The following NRXN3 variants were observed in gnomAD, a reference collection of about 807,000 sequenced individuals.
The protein encoded by NRXN3 is neurexin 3.
In NRXN3, 32 loss-of-function variants were observed where a neutral mutation model predicts 137.6. The observed-to-expected ratio is 0.23, with a 90% CI of 0.18 to 0.31. The LOEUF (loss-of-function observed/expected upper bound fraction) is 0.31, where lower values mean the gene tolerates loss of function less well. Ranked by LOEUF, NRXN3 falls within the 10% of genes least tolerant of loss-of-function variation. The pLI is 1.00. For synonymous variants in NRXN3, 798 were observed against 784.5 expected, an observed-to-expected ratio of 1.02 and a Z score of -0.29; for missense variants, 1,574 against 2,062.5, an observed-to-expected ratio of 0.76 and a Z score of 4.59.
At chr14:78,442,269 C>T (rs1202759232) in intron 4 of NRXN3, among the ~76,000 whole-genome samples, 1 of 110,706 alleles carries the variant, frequency 9.0e-6, no homozygotes, top group Non-Finnish European at 1.8e-5. Flanking sequence ...CCTGTCACCC[C>T]CCAGAAAAAA....
At chr14:78,519,719 GAGA>G (rs1027498372) in intron 4 of NRXN3, among the ~76,000 whole-genome samples, 4 of 142,250 alleles carry the variant, frequency 2.8e-5, no homozygotes, top group Admixed American at 7.1e-5. Context: ...AGCATTCACA[GAGA>G]AGGTTATATT....
At chr14:79,672,108 G>A (rs1051369311) in intron 17 of NRXN3, among the ~76,000 whole-genome samples, 2 of 151,974 alleles carry the variant, frequency 1.3e-5, no homozygotes, top group South Asian at 4.2e-4. Context: ...CATGCTTTTG[G>A]TCTACAGGGC....
chr14:78,765,597 C>A (rs1438538233), intron 8 of NRXN3, among the ~76,000 whole-genome samples: 1 of 152,160 alleles, frequency 6.6e-6, no homozygotes, highest in Non-Finnish European at 1.5e-5. Context: ...GTCTGTTTCT[C>A]CTGCTAGAGT....
chr14:78,572,691 C>G (rs995784038), intron 4 of NRXN3, among the ~76,000 whole-genome samples: 2 of 152,192 alleles, frequency 1.3e-5, no homozygotes, highest in African/African-American at 4.8e-5. Flanking sequence ...TACAGCAGAA[C>G]TTCCAGAAAA....
intron 15 of NRXN3, among the ~76,000 whole-genome samples, chr14:79,168,097 G>A (rs981513467): frequency 6.6e-6 from 1 of 151,968 alleles, no homozygotes; most frequent in African/African-American, 2.4e-5. Flanking sequence ...CTGACTGTAA[G>A]GTCACCCTCC....
intron 16 of NRXN3, among the ~76,000 whole-genome samples, chr14:79,527,012 C>A (rs2097126460): frequency 6.6e-6 from 1 of 152,112 alleles, no homozygotes; most frequent in Non-Finnish European, 1.5e-5. Context: ...GCTGGCCAGG[C>A]ACAGTGGCTC....
intron 16 of NRXN3, among the ~76,000 whole-genome samples, chr14:79,561,910 A>G (rs1031019527): frequency 6.6e-6 from 1 of 152,122 alleles, no homozygotes; most frequent in Non-Finnish European, 1.5e-5. Context: ...TCGTTTAATG[A>G]TTTTATCCCA....
intron 4 of NRXN3, among the ~76,000 whole-genome samples, chr14:78,351,958 G>C (rs1436301544): frequency 1.3e-5 from 2 of 151,702 alleles, no homozygotes; most frequent in Non-Finnish European, 2.9e-5. Flanking sequence ...GTGTTGGCGA[G>C]CACCTGTAGT....
At chr14:79,542,171 C>T (rs1389687249) in intron 16 of NRXN3, among the ~76,000 whole-genome samples, 1 of 152,154 alleles carries the variant, frequency 6.6e-6, no homozygotes, top group Non-Finnish European at 1.5e-5. Flanking sequence ...GTGACTTCTT[C>T]TGAGATTGGT....
intron 19 of NRXN3, among the ~76,000 whole-genome samples, chr14:79,757,252 T>C (rs918885475): frequency 6.6e-6 from 1 of 151,340 alleles, no homozygotes; most frequent in African/African-American, 2.4e-5. Flanking sequence ...CAAATAAAGA[T>C]AGTTGTAAAA....
rs67568638 is a variant in NRXN3, at chr14:78,309,292, GT to G, written c.757+11443del. Among the ~76,000 whole-genome samples the G allele has an allele frequency of 4.3e-3, 632 of 147,868 alleles. 5 individuals carry two copies. The highest frequency in any genetic ancestry group is 0.026 in the East Asian group (129 of 5,050). Reference sequence around the variant, plus strand: ...AAAAATTTTGAGAAACGCTAATAATGTTTTTTTTTTTAACTTTTTCTTTAGG... The same window carrying G: ...AAAAATTTTGAGAAACGCTAATAATGTTTTTTTTTTAACTTTTTCTTTAGG... On this transcript the variant is annotated intron_variant, in intron 4 of 20. Coordinates refer to ENST00000335750, the MANE Select transcript of NRXN3 (RefSeq NM_001330195.2).
At chr14:78,609,810 C>T (rs534130529) in intron 4 of NRXN3, among the ~76,000 whole-genome samples, 6 of 152,238 alleles carry the variant, frequency 3.9e-5, no homozygotes, top group Non-Finnish European at 7.4e-5. Context: ...GCACTACAGG[C>T]ACAAGTACTA....
chr14:78,358,920 T>C (rs2084717303), intron 4 of NRXN3, among the ~76,000 whole-genome samples: 1 of 152,218 alleles, frequency 6.6e-6, no homozygotes. Flanking sequence ...CGCAGGAATT[T>C]AGCATGGTCT....
intron 4 of NRXN3, among the ~76,000 whole-genome samples, chr14:78,393,684 AATCTGTAT>A (rs1404130722): frequency 3.3e-5 from 5 of 152,014 alleles, no homozygotes; most frequent in Non-Finnish European, 7.4e-5. Context: ...AATTGTGTTA[AATCTGTAT>A]ATCAATTTGA....
chr14:78,611,069 A>G (rs565374205), intron 4 of NRXN3, among the ~76,000 whole-genome samples: 5 of 151,246 alleles, frequency 3.3e-5, no homozygotes, highest in African/African-American at 9.7e-5. Flanking sequence ...CCTCCACCCA[A>G]CTCCTCCTTG....
chr14:79,512,176 G>A (rs956903615), intron 16 of NRXN3, among the ~76,000 whole-genome samples: 2 of 152,222 alleles, frequency 1.3e-5, no homozygotes, highest in Non-Finnish European at 2.9e-5. Flanking sequence ...TGAAATTACA[G>A]GCGAGAGCCA....
chr14:78,542,896 C>CT (rs1048257010), intron 4 of NRXN3, among the ~76,000 whole-genome samples: 7 of 152,064 alleles, frequency 4.6e-5, no homozygotes, highest in Non-Finnish European at 8.8e-5. Flanking sequence ...TTGGTAGGGG[C>CT]TATGGGAATG....
rs115841098 is a variant in NRXN3 at position 79,476,804 on chromosome 14, A to G, written c.3444+9402A>G. ...CCTCATTTTATAATTGGGGCAACTA[A>G]AGTTTGAAGAAGCTAAAGCATTTTC... On this transcript the variant is annotated intron_variant, in intron 16 of 20. Transcript: ENST00000335750. 7.9e-3 allele frequency among the ~76,000 whole-genome samples: 1,205 copies of G among 152,206 alleles called. 9 individuals carry two copies. Among genetic ancestry groups the G allele is most frequent in the African/African-American group, 0.027 (1,132 of 41,546 alleles).
chr14:78,561,579 A>G (rs745845370), intron 4 of NRXN3, among the ~76,000 whole-genome samples: 16 of 152,314 alleles, frequency 1.1e-4, no homozygotes, highest in Non-Finnish European at 2.1e-4. Context: ...AGGAACTAAG[A>G]TGGGAATCTT....
Sources: allele counts gnomAD v4.1 joint callset (sites outside exome capture counted in the v4.1 genomes callset), GRCh38; gene constraint gnomAD v4.1.1; transcripts MANE v1.5; gene names NCBI Gene and HGNC (gene_info 2026-07-23, HGNC 2026-07-21).